The following CFAP47 variants were observed in gnomAD, a reference collection of about 807,000 sequenced individuals.
The protein encoded by CFAP47 is cilia and flagella associated protein 47.
Under a neutral mutation model 148.1 loss-of-function variants are expected in CFAP47, and 29 were observed. The ratio of observed to expected loss-of-function variants is 0.20; its 90% CI spans 0.15 to 0.27. The LOEUF is 0.27. CFAP47 is among the 10% of genes least tolerant of loss of function. The pLI is 1.00. For missense variants in CFAP47, 1,872 were observed against 1,697.5 expected (o/e 1.10, Z -1.81); for synonymous variants, 664 against 577.3 (o/e 1.15, Z -2.15).
At chrX:36,368,786 A>G (rs782158782) in intron 62 of CFAP47, among the ~76,000 whole-genome samples, 108 of 111,821 alleles carry the variant, frequency 9.7e-4, no homozygotes, top group Non-Finnish European at 1.8e-3. Context: ...AATGCAATGT[A>G]TATAAATTAC....
chrX:36,138,673 G>A (rs1480521112), intron 35 of CFAP47, among the ~76,000 whole-genome samples: 1 of 110,743 alleles, frequency 9.0e-6, no homozygotes, highest in African/African-American at 3.3e-5. Context: ...ACATCCAGCT[G>A]TGCATAATAG....
chrX:36,237,992 C>A (rs1302422990), intron 48 of CFAP47, among the ~76,000 whole-genome samples: 1 of 111,411 alleles, frequency 9.0e-6, no homozygotes, highest in Non-Finnish European at 1.9e-5. Context: ...CCATCTCTTA[C>A]CTTCAAAATC....
chrX:36,148,409 G>C (rs1294934668), intron 36 of CFAP47, among the ~76,000 whole-genome samples: 1 of 111,908 alleles, frequency 8.9e-6, no homozygotes, highest in African/African-American at 3.3e-5. Flanking sequence ...TAAAAAAAGA[G>C]TTCAGACAAG....
intron 13 of CFAP47, among the ~76,000 whole-genome samples, chrX:35,972,748 A>G (rs1213545164): frequency 9.0e-6 from 1 of 111,516 alleles, no homozygotes; most frequent in African/African-American, 3.3e-5. Flanking sequence ...TGAGTATACC[A>G]CACTTTGTTT....
At chrX:36,154,003 G>C (rs1939338351) in intron 37 of CFAP47, among the ~76,000 whole-genome samples, 1 of 111,937 alleles carries the variant, frequency 8.9e-6, no homozygotes, top group Admixed American at 9.5e-5. Context: ...ATTCTCCATA[G>C]TTTTAATGAA....
chrX:36,173,539 GC>G (rs1198841459), intron 39 of CFAP47, among the ~76,000 whole-genome samples: 1 of 111,459 alleles, frequency 9.0e-6, no homozygotes, highest in East Asian at 2.8e-4. Context: ...CTTTATTTCT[GC>G]CTTCATTTTG....
intron 55 of CFAP47, among the ~76,000 whole-genome samples, chrX:36,308,918 A>G (rs1941371873): frequency 9.0e-6 from 1 of 111,556 alleles, no homozygotes. Context: ...GGTTTGGGTT[A>G]AGTTCAAATT....
chrX:36,001,568 G>A (rs1936915223), intron 20 of CFAP47, 45 bp from the exon 21 acceptor site: 1 of 286,187 alleles, frequency 3.5e-6, no homozygotes, highest in Non-Finnish European at 6.1e-6. Flanking sequence ...TTTAGAAATT[G>A]ATTTTTGATT....
chrX:35,919,909 A>C lies in CFAP47; in HGVS notation c.110A>C (p.Asp37Ala). Reference protein sequence around the residue: ...VPRDMDSSGRDMQLRVIPAEV... With the variant: ...VPRDMDSSGRAMQLRVIPAEV... ...CGGGATATGGATAGCTCGGGTAGAG[A>C]CATGCAGCTGCGGGTGATCCCGGCT... is the stretch of plus-strand genomic sequence containing the variant. The change falls in exon 1 of 64, where the codon GAC becomes GCC. Residue 37 changes from aspartate (D) to alanine (A), a missense_variant. Asp to Ala is a moderately radical substitution (Grantham distance 126). Coordinates refer to ENST00000378653, the MANE Select transcript of CFAP47 (RefSeq NM_001304548.2). 8.3e-7 allele frequency: 1 copy of C among 1,211,091 alleles called. No homozygotes were observed. Among genetic ancestry groups the C allele is most frequent in the Non-Finnish European group, 1.1e-6 (1 of 895,249 alleles).
At chrX:36,047,276 G>A (rs1273788963) in intron 26 of CFAP47, among the ~76,000 whole-genome samples, 1 of 111,436 alleles carries the variant, frequency 9.0e-6, no homozygotes, top group Non-Finnish European at 1.9e-5. Flanking sequence ...ACTGCCTGGG[G>A]TCAAATCCAG....
intron 18 of CFAP47, among the ~76,000 whole-genome samples, chrX:35,994,666 T>C (rs1936825774): frequency 9.0e-6 from 1 of 111,489 alleles, no homozygotes; most frequent in African/African-American, 3.3e-5. Flanking sequence ...GGTAGAATAC[T>C]TTTAAACACA....
At chrX:36,384,051 G>C (rs1396830458) in intron 63 of CFAP47, among the ~76,000 whole-genome samples, 1 of 111,773 alleles carries the variant, frequency 8.9e-6, no homozygotes, top group Non-Finnish European at 1.9e-5. Flanking sequence ...ATGGTTATAC[G>C]TACTATGGGC....
intron 39 of CFAP47, among the ~76,000 whole-genome samples, chrX:36,165,634 G>A (rs142100031): frequency 0.011 from 1,219 of 111,470 alleles, 19 homozygotes; most frequent in African/African-American, 0.038. Flanking sequence ...GGGAGAAAGT[G>A]TATTGGTTTA....
intron 15 of CFAP47, among the ~76,000 whole-genome samples, chrX:35,986,211 G>A (rs1327203412): frequency 3.6e-5 from 4 of 110,806 alleles, no homozygotes; most frequent in Non-Finnish European, 5.7e-5. Flanking sequence ...TTCCAACTTC[G>A]TTCCATTCTC....
At chrX:35,931,522 A>C (rs915857802) in intron 2 of CFAP47, among the ~76,000 whole-genome samples, 7 of 111,230 alleles carry the variant, frequency 6.3e-5, no homozygotes, top group Non-Finnish European at 9.4e-5. Flanking sequence ...ATTTATATTT[A>C]AGTTAATTTG....
At chrX:36,211,965 A>G (rs1403742911) in intron 45 of CFAP47, among the ~76,000 whole-genome samples, 1 of 111,381 alleles carries the variant, frequency 9.0e-6, no homozygotes, top group Non-Finnish European at 1.9e-5. Flanking sequence ...CTGGTAGAAT[A>G]TGGGGGTTGT....
intron 45 of CFAP47, among the ~76,000 whole-genome samples, chrX:36,217,907 G>A (rs964192336): frequency 3.4e-4 from 38 of 111,594 alleles, no homozygotes; most frequent in African/African-American, 1.2e-3. Context: ...TAAAAAAAAA[G>A]TGAACTTTTA....
At chrX:36,115,880 T>C (rs1938631694) in intron 33 of CFAP47, among the ~76,000 whole-genome samples, 1 of 111,591 alleles carries the variant, frequency 9.0e-6, no homozygotes, top group Non-Finnish European at 1.9e-5. Flanking sequence ...AGGACATAAA[T>C]CTGTAGTTTT....
chrX:36,027,153 AT>A (rs1364711784), intron 22 of CFAP47, among the ~76,000 whole-genome samples: 2 of 101,016 alleles, frequency 2.0e-5, no homozygotes, highest in African/African-American at 7.3e-5. Context: ...TATATATATG[AT>A]TATATATATG....
Sources: gnomAD v4.1 joint callset for allele counts (sites outside exome capture counted in the v4.1 genomes callset) on GRCh38, gnomAD v4.1.1 for gene constraint, MANE v1.5 for transcripts, NCBI Gene and HGNC (gene_info 2026-07-23, HGNC 2026-07-21) for gene names.